The following VPS8 variants were observed in gnomAD, a reference collection of about 807,000 sequenced individuals.
VPS8 encodes VPS8 subunit of CORVET complex, also known as vacuolar protein sorting-associated protein 8 homolog.
A neutral mutation model predicts 216.4 loss-of-function variants in VPS8; 129 were observed. The observed-to-expected ratio is 0.60, with a 90% CI of 0.52 to 0.69. The LOEUF (loss-of-function observed/expected upper bound fraction) is 0.69. Among genes scored for constraint, VPS8 ranks in the 30% least tolerant of loss-of-function variants. The pLI, the probability that VPS8 is intolerant of heterozygous loss-of-function variation, is 0.00. For missense variants in VPS8, 1,531 were observed against 1,683.5 expected, an observed-to-expected ratio of 0.91 and a Z score of 1.59; for synonymous variants, 571 against 565.4, an observed-to-expected ratio of 1.01 and a Z score of -0.14.
chr3:184,900,700 AT>A (rs1474525453), intron 24 of VPS8, among the ~76,000 whole-genome samples: 1 of 152,202 alleles, frequency 6.6e-6, no homozygotes, highest in African/African-American at 2.4e-5. Context: ...TATAACTGGT[AT>A]TTATTAAATG....
chr3:184,824,797 A>T lies in VPS8; in HGVS notation c.153+12A>T. On this transcript the variant is annotated intron_variant, in intron 2 of 47. Coordinates refer to ENST00000625842, the MANE Select transcript of VPS8 (RefSeq NM_001009921.3). ...TCAAAAATGATCTGGTAAAAATTTC[A>T]ATTTCTGTCAAGTGATAATGTTTAA... 6.3e-7 allele frequency: 1 copy of T among 1,591,022 alleles called. No individual in the cohort carries two copies. The highest frequency in any genetic ancestry group is 8.6e-7 in the Non-Finnish European group (1 of 1,167,206).
At chr3:184,828,296 C>T (rs1281460757) in intron 3 of VPS8, among the ~76,000 whole-genome samples, 3 of 152,178 alleles carry the variant, frequency 2.0e-5, no homozygotes, top group East Asian at 1.9e-4. Flanking sequence ...CCCACCACCA[C>T]GCCCAGCTAA....
chr3:184,869,104 C>T, intron 19 of VPS8, 68 bp downstream of exon 19: 2 of 1,421,496 alleles, frequency 1.4e-6, no homozygotes, highest in South Asian at 2.5e-5. Flanking sequence ...TTAGTACTAA[C>T]CACTCATAGG....
At chr3:184,879,800 C>A (rs538524161) in intron 21 of VPS8, among the ~76,000 whole-genome samples, 6 of 152,158 alleles carry the variant, frequency 3.9e-5, no homozygotes, top group African/African-American at 2.4e-5. Flanking sequence ...CTACTGATCC[C>A]ACTTAGCTCA....
chr3:184,888,681 A>G (rs1472577780), intron 22 of VPS8, among the ~76,000 whole-genome samples: 1 of 152,178 alleles, frequency 6.6e-6, no homozygotes, highest in Non-Finnish European at 1.5e-5. Flanking sequence ...AGGTATTTCT[A>G]GTACTAATAA....
intron 25 of VPS8, among the ~76,000 whole-genome samples, chr3:184,910,551 C>G (rs1394515733): frequency 6.6e-6 from 1 of 152,184 alleles, no homozygotes; most frequent in Non-Finnish European, 1.5e-5. Flanking sequence ...TTGTCTTTGA[C>G]TAAGCTGCTT....
At chr3:185,026,453 C>G (rs899832627) in intron 46 of VPS8, among the ~76,000 whole-genome samples, 1 of 149,374 alleles carries the variant, frequency 6.7e-6, no homozygotes, top group South Asian at 2.1e-4. Flanking sequence ...CCTCTGTTGC[C>G]CAGGCTGGAG....
intron 44 of VPS8, 147 bp from the exon 45 acceptor site, chr3:184,999,549 C>A: frequency 1.1e-6 from 1 of 929,874 alleles, no homozygotes; most frequent in Non-Finnish European, 1.6e-6. Context: ...GCAGCAAGTA[C>A]ATTCCCTTTC....
At chr3:185,039,291 T>A (rs1267928999) in intron 46 of VPS8, among the ~76,000 whole-genome samples, 2 of 152,182 alleles carry the variant, frequency 1.3e-5, no homozygotes, top group Non-Finnish European at 2.9e-5. Context: ...CTTGTATTGC[T>A]ATAAAGGAAT....
intron 42 of VPS8, among the ~76,000 whole-genome samples, chr3:184,984,186 A>AC (rs1413327551): frequency 0.045 from 1 of 22 alleles, no homozygotes; most frequent in Non-Finnish European, 0.25. Flanking sequence ...TCCGTCTCAA[A>AC]AAAAAAAACT....
chr3:184,947,641 T>C (rs1743944279), intron 36 of VPS8, among the ~76,000 whole-genome samples: 1 of 151,916 alleles, frequency 6.6e-6, no homozygotes, highest in Non-Finnish European at 1.5e-5. Context: ...AAAACAAAGG[T>C]TAATGTTTGG....
chr3:184,813,553 A>G (rs575345859), intron 1 of VPS8, among the ~76,000 whole-genome samples: 38 of 152,342 alleles, frequency 2.5e-4, no homozygotes, highest in African/African-American at 8.7e-4. Flanking sequence ...GGCCTGTTCC[A>G]TAGAATATGC....
chr3:184,833,186 A>G (rs950324446), intron 4 of VPS8, among the ~76,000 whole-genome samples: 2 of 152,120 alleles, frequency 1.3e-5, no homozygotes, highest in African/African-American at 4.8e-5. Context: ...ATTCTCTAAG[A>G]TCAGCCTTCC....
intron 47 of VPS8, among the ~76,000 whole-genome samples, chr3:185,049,966 C>T (rs1384653609): frequency 6.6e-6 from 1 of 152,116 alleles, no homozygotes; most frequent in Non-Finnish European, 1.5e-5. Flanking sequence ...CATCCCTTTC[C>T]AGCCTCAGCT....
In VPS8 at chr3:184,869,469, T is replaced by C; in HGVS notation, c.1598-13T>C. 2.5e-6 allele frequency: 4 copies of C among 1,613,172 alleles called. No individual in the cohort carries two copies. The highest frequency in any genetic ancestry group is 3.4e-6 in the Non-Finnish European group (4 of 1,179,442). On this transcript the variant is annotated splice_polypyrimidine_tract_variant and intron_variant, in intron 19 of 47. Coordinates refer to ENST00000625842, the MANE Select transcript of VPS8 (RefSeq NM_001009921.3). ...TAACTTTTGTTTTTTTGTTGGATTT[T>C]CCTTCTCTGCAGGATTATCAGGGGA...
At chr3:184,969,242 C>A (rs1326407393) in intron 39 of VPS8, among the ~76,000 whole-genome samples, 2 of 149,824 alleles carry the variant, frequency 1.3e-5, no homozygotes, top group Non-Finnish European at 3.0e-5. Flanking sequence ...CTCAGCCTCC[C>A]GAGTAGCTGG....
chr3:185,039,253 GT>G (rs1759310574), intron 46 of VPS8, among the ~76,000 whole-genome samples: 2 of 152,134 alleles, frequency 1.3e-5, no homozygotes. Context: ...GTTTTCACCA[GT>G]TTTTATTTGG....
intron 46 of VPS8, among the ~76,000 whole-genome samples, chr3:185,045,496 CACGGTGACTCATGCCTGTA>C (rs1009192403): frequency 2.4e-4 from 37 of 152,162 alleles, no homozygotes; most frequent in African/African-American, 8.4e-4. Context: ...TGTGACCGGG[CACGGTGACTCATGCCTGTA>C]ATCCCAGCAC....
chr3:184,818,369 A>G (rs1297864224), intron 1 of VPS8, among the ~76,000 whole-genome samples: 1 of 151,926 alleles, frequency 6.6e-6, no homozygotes, highest in Non-Finnish European at 1.5e-5. Flanking sequence ...GAAAAATTCA[A>G]AAAATTAGCT....
Sources: gnomAD v4.1 joint callset for allele counts (sites outside exome capture counted in the v4.1 genomes callset) on GRCh38, gnomAD v4.1.1 for gene constraint, MANE v1.5 for transcripts, NCBI Gene and HGNC (gene_info 2026-07-23, HGNC 2026-07-21) for gene names.